ZNF69: variants seen among roughly 807,000 people sequenced by gnomAD.
The protein encoded by ZNF69 is ZNF3.
Under a neutral mutation model 50.9 loss-of-function variants are expected in ZNF69, and 47 were observed. The observed-to-expected ratio is 0.92, with a 90% CI of 0.73 to 1.18. The LOEUF (loss-of-function observed/expected upper bound fraction) is 1.18. Ranked by LOEUF, ZNF69 falls within the 50% of genes most tolerant of loss-of-function variation. The pLI is 0.00. For synonymous variants in ZNF69, 216 were observed against 223.1 expected (o/e 0.97, Z 0.29); for missense variants, 717 against 675.1 (o/e 1.06, Z -0.69).
the ZNF69 span, among the ~76,000 whole-genome samples, chr19:11,920,652 CT>C: frequency 3.3e-3 from 3 of 920 alleles, no homozygotes; most frequent in Non-Finnish European, 0.018. Flanking sequence ...CTTTGGGAGG[CT>C]GAGGGGGGTG....
downstream of ZNF69, among the ~76,000 whole-genome samples, chr19:11,918,322 G>A (rs546140782): frequency 2.8e-3 from 429 of 152,016 alleles, 2 homozygotes; most frequent in African/African-American, 8.5e-3. Context: ...CTCACTTTTC[G>A]TCGCCCATTT....
the ZNF69 span, among the ~76,000 whole-genome samples, chr19:11,963,293 C>G: frequency 2.6e-5 from 4 of 152,184 alleles, no homozygotes; most frequent in East Asian, 5.8e-4. Flanking sequence ...GAGGGTCTCA[C>G]TTCACTGCTC....
the ZNF69 span, among the ~76,000 whole-genome samples, chr19:11,944,986 C>T: frequency 3.3e-5 from 5 of 152,362 alleles, no homozygotes; most frequent in South Asian, 1.0e-3. Context: ...CCTGTCCTCC[C>T]TCTGCCTGGA....
At chr19:11,972,177 C>T in the ZNF69 span, among the ~76,000 whole-genome samples, 1 of 151,886 alleles carries the variant, frequency 6.6e-6, no homozygotes, top group Admixed American at 6.6e-5. Context: ...CCCAGCTACT[C>T]AGGAGGCTGA....
At chr19:11,965,598 G>A in the ZNF69 span, among the ~76,000 whole-genome samples, 1 of 147,228 alleles carries the variant, frequency 6.8e-6, no homozygotes, top group African/African-American at 2.7e-5. Flanking sequence ...ACTTTCTCCT[G>A]TTAAAAATTA....
At chr19:11,964,202 CAGA>C in the ZNF69 span, among the ~76,000 whole-genome samples, 1 of 152,186 alleles carries the variant, frequency 6.6e-6, no homozygotes, top group South Asian at 2.1e-4. Flanking sequence ...AGAGCAGCTC[CAGA>C]AGGAGTGTGG....
chr19:11,955,262 G>A, the ZNF69 span, among the ~76,000 whole-genome samples: 4 of 151,974 alleles, frequency 2.6e-5, no homozygotes, highest in East Asian at 1.9e-4. Context: ...CTCGGCATCC[G>A]AAAATGCTGG....
At chr19:11,924,531 T>C in the ZNF69 span, among the ~76,000 whole-genome samples, 12 of 151,298 alleles carry the variant, frequency 7.9e-5, no homozygotes, top group Admixed American at 7.9e-4. Context: ...GGATAAAGGG[T>C]TCATGAAGTT....
chr19:11,956,708 T>A, the ZNF69 span: 1 of 389,134 alleles, frequency 2.6e-6, no homozygotes, highest in Non-Finnish European at 4.5e-6. Flanking sequence ...ATACAAAAAT[T>A]AGCCAGGTGT....
At chr19:11,912,127 G>T (rs1013451957) in intron 4 of ZNF69, among the ~76,000 whole-genome samples, 2 of 152,152 alleles carry the variant, frequency 1.3e-5, no homozygotes, top group African/African-American at 4.8e-5. Flanking sequence ...TGTAAGCAAT[G>T]TGGGAAAGCC....
the ZNF69 span, chr19:11,965,139 C>T: frequency 6.2e-7 from 1 of 1,609,194 alleles, no homozygotes; most frequent in Non-Finnish European, 8.5e-7. Flanking sequence ...ATCGCTCTGT[C>T]TCCTGCGCTG....
chr19:11,911,522 A>G (rs1177795336), downstream of ZNF69, among the ~76,000 whole-genome samples: 3 of 152,182 alleles, frequency 2.0e-5, no homozygotes, highest in Non-Finnish European at 4.4e-5. Context: ...TGTCCTTTGT[A>G]GGGACATGGA....
chr19:11,977,919 G>A, the ZNF69 span, among the ~76,000 whole-genome samples: 3 of 151,246 alleles, frequency 2.0e-5, no homozygotes, highest in East Asian at 1.9e-4. Flanking sequence ...ATAGTATTAA[G>A]CCCCTTATGA....
chr19:11,891,494 A>ATCC (rs1170028410), intron 1 of ZNF69, among the ~76,000 whole-genome samples: 2 of 152,092 alleles, frequency 1.3e-5, no homozygotes, highest in African/African-American at 4.8e-5. Flanking sequence ...AGAGTAGGGC[A>ATCC]TCCTCATAAA....
At chr19:11,924,684 G>A in the ZNF69 span, among the ~76,000 whole-genome samples, 1 of 152,056 alleles carries the variant, frequency 6.6e-6, no homozygotes, top group Non-Finnish European at 1.5e-5. Flanking sequence ...ATTCCGGCCC[G>A]CTCGAGGACA....
At chr19:11,903,795 C>T in intron 2 of ZNF69, 96 bp downstream of exon 2, 1 of 1,602,946 alleles carries the variant, frequency 6.2e-7, no homozygotes, top group Non-Finnish European at 8.5e-7. Context: ...ACAGGAAATA[C>T]TTTGATGAAT....
chr19:11,903,353 A>T (rs1568278001), intron 1 of ZNF69, among the ~76,000 whole-genome samples: 3 of 152,200 alleles, frequency 2.0e-5, no homozygotes, highest in Admixed American at 2.0e-4. Flanking sequence ...CCCGGCAGTG[A>T]GCCGAGATCA....
chr19:11,947,527 T>A, the ZNF69 span: 44,301 of 1,611,594 alleles, frequency 0.027, 1,900 homozygotes, highest in African/African-American at 0.2. Context: ...AAAAATGGAG[T>A]GACCAGAACA....
At chr19:11,897,348 A>T (rs1972145741) in intron 1 of ZNF69, among the ~76,000 whole-genome samples, 1 of 152,074 alleles carries the variant, frequency 6.6e-6, no homozygotes, top group African/African-American at 2.4e-5. Context: ...ACTCCATCTC[A>T]AAAAAATAAA....
Sources: gnomAD v4.1 joint callset for allele counts (sites outside exome capture counted in the v4.1 genomes callset) on GRCh38, gnomAD v4.1.1 for gene constraint, MANE v1.5 for transcripts, NCBI Gene and HGNC (gene_info 2026-07-23, HGNC 2026-07-21) for gene names.